ACER1: variants seen among roughly 807,000 people sequenced by gnomAD.
The protein encoded by ACER1 is alkaline ceramidase 1, also known as CTB-180A7.3.
ACER1 carries 28 observed loss-of-function variants against 24.9 expected under a neutral mutation model. The observed-to-expected ratio is 1.13, with a 90% CI of 0.83 to 1.54. The LOEUF is 1.54. Ranked by LOEUF, ACER1 falls within the 40% of genes most tolerant of loss-of-function variation. The pLI, the probability that ACER1 is intolerant of heterozygous loss-of-function variation, is 0.00. For synonymous variants in ACER1, 132 were observed against 131.4 expected, an observed-to-expected ratio of 1.00 and a Z score of -0.03; for missense variants, 352 against 349.3, an observed-to-expected ratio of 1.01 and a Z score of -0.06.
At chr19:6,327,192 A>G in intron 1 of ACER1, among the ~76,000 whole-genome samples, 1 of 152,180 alleles carries the variant, frequency 6.6e-6, no homozygotes, top group Admixed American at 6.6e-5. Flanking sequence ...GCACTTTTAG[A>G]GATTGAGGCA....
chr19:6,320,435 C>T (rs2091624444), intron 1 of ACER1, among the ~76,000 whole-genome samples: 1 of 152,120 alleles, frequency 6.6e-6, no homozygotes, highest in Non-Finnish European at 1.5e-5. Flanking sequence ...GCCTCAGCCT[C>T]CTGAGTAGCT....
At chr19:6,324,718 T>C (rs2091650289) in intron 1 of ACER1, among the ~76,000 whole-genome samples, 1 of 151,220 alleles carries the variant, frequency 6.6e-6, no homozygotes, top group South Asian at 2.1e-4. Flanking sequence ...TGTTGCACTT[T>C]AGTCTGGGCA....
chr19:6,345,398 A>C, the ACER1 span, among the ~76,000 whole-genome samples: 1 of 152,068 alleles, frequency 6.6e-6, no homozygotes, highest in African/African-American at 2.4e-5. Context: ...AGCACATTAC[A>C]TTTATTGTTC....
At chr19:6,340,797 C>T in the ACER1 span, among the ~76,000 whole-genome samples, 1 of 152,054 alleles carries the variant, frequency 6.6e-6, no homozygotes. Context: ...AGAGCTCTTC[C>T]CCCGCTAGGG....
chr19:6,343,047 G>C, the ACER1 span, among the ~76,000 whole-genome samples: 1 of 152,142 alleles, frequency 6.6e-6, no homozygotes, highest in African/African-American at 2.4e-5. Context: ...AAAGTGCTGG[G>C]ATTACAGGCG....
At chr19:6,353,119 T>A in the ACER1 span, among the ~76,000 whole-genome samples, 1 of 152,134 alleles carries the variant, frequency 6.6e-6, no homozygotes, top group African/African-American at 2.4e-5. Context: ...TTTGAGGCCA[T>A]GAGTTCAACA....
intron 1 of ACER1, among the ~76,000 whole-genome samples, chr19:6,320,268 G>C (rs148583977): frequency 1.7e-3 from 254 of 152,184 alleles, no homozygotes; most frequent in African/African-American, 5.5e-3. Flanking sequence ...AAGTGTGCCT[G>C]CTAATGTTGG....
At chr19:6,318,621 CAA>C (rs1250583933) in intron 1 of ACER1, among the ~76,000 whole-genome samples, 27 of 81,968 alleles carry the variant, frequency 3.3e-4, no homozygotes, top group East Asian at 7.5e-4. Flanking sequence ...ACTAAAAATA[CAA>C]AAAAAAAAAA....
At chr19:6,353,626 G>C in the ACER1 span, among the ~76,000 whole-genome samples, 1 of 151,930 alleles carries the variant, frequency 6.6e-6, no homozygotes, top group African/African-American at 2.4e-5. Flanking sequence ...AGGAGTTCAA[G>C]ACCAGCTTGA....
chr19:6,342,322 C>T, the ACER1 span, among the ~76,000 whole-genome samples: 1 of 133,752 alleles, frequency 7.5e-6, no homozygotes, highest in African/African-American at 2.8e-5. Context: ...AGTGCAGTGG[C>T]TTGATCTTGG....
At chr19:6,314,169 G>A (rs2091593265) in intron 1 of ACER1, among the ~76,000 whole-genome samples, 1 of 151,384 alleles carries the variant, frequency 6.6e-6, no homozygotes. Flanking sequence ...TCACAATAAT[G>A]TAAAACAATA....
At chr19:6,359,987 T>C in the ACER1 span, among the ~76,000 whole-genome samples, 2 of 152,172 alleles carry the variant, frequency 1.3e-5, no homozygotes, top group African/African-American at 4.8e-5. Context: ...GATAGTGACA[T>C]TGAACTGAAT....
At chr19:6,351,841 C>G in the ACER1 span, among the ~76,000 whole-genome samples, 1 of 151,950 alleles carries the variant, frequency 6.6e-6, no homozygotes, top group Non-Finnish European at 1.5e-5. Context: ...TGGATCACAA[C>G]GCCAGGAGAT....
At position 6,320,543 on chromosome 19, in the gene ACER1, C is replaced by T. The variant is rs147594336; in HGVS notation, c.94-8044G>A. 4.3e-3 allele frequency among the ~76,000 whole-genome samples: 659 copies of T among 152,128 alleles called. 8 individuals carry two copies. Among genetic ancestry groups the T allele is most frequent in the African/African-American group, 0.015 (624 of 41,490 alleles). ...GGCCATGCTGGTCTGAAACTCCTGA[C>T]CTCAGGTTATCCGCCTGCCTCAGCC... is the stretch of plus-strand genomic sequence containing the variant. On this transcript the variant is annotated intron_variant, in intron 1 of 5. Coordinates refer to ENST00000301452, the MANE Select transcript of ACER1 (RefSeq NM_133492.3).
upstream of ACER1, among the ~76,000 whole-genome samples, chr19:6,334,710 T>C (rs73559862): frequency 1.2e-3 from 167 of 137,532 alleles, no homozygotes; most frequent in African/African-American, 4.5e-3. Context: ...GATCCTCTGT[T>C]TGCTCACCTG....
the ACER1 span, among the ~76,000 whole-genome samples, chr19:6,351,252 G>A: frequency 2.0e-5 from 3 of 152,080 alleles, no homozygotes; most frequent in African/African-American, 4.8e-5. Context: ...TGTTGTCCCA[G>A]CTACGCAGGA....
the ACER1 span, among the ~76,000 whole-genome samples, chr19:6,350,635 G>A: frequency 1.4e-5 from 2 of 142,924 alleles, no homozygotes; most frequent in Admixed American, 1.4e-4. Context: ...AGGAGGGAGG[G>A]AGAGAGGGAG....
chr19:6,346,853 A>G, the ACER1 span, among the ~76,000 whole-genome samples: 1 of 151,730 alleles, frequency 6.6e-6, no homozygotes, highest in African/African-American at 2.4e-5. Flanking sequence ...AGCGGGGAGG[A>G]GGTTCTCTGC....
chr19:6,324,529 G>A (rs113255096), intron 1 of ACER1, among the ~76,000 whole-genome samples: 34,301 of 149,398 alleles, frequency 0.23, 5,981 homozygotes, highest in African/African-American at 0.48. Flanking sequence ...AGGCCGAGGC[G>A]GGCAGATCAC....
Sources: allele counts gnomAD v4.1 joint callset (sites outside exome capture counted in the v4.1 genomes callset), GRCh38; gene constraint gnomAD v4.1.1; transcripts MANE v1.5; gene names NCBI Gene and HGNC (gene_info 2026-07-23, HGNC 2026-07-21).